NDUFAF6: variants seen among roughly 807,000 people sequenced by gnomAD.
NDUFAF6 encodes NADH dehydrogenase (ubiquinone) complex I, assembly factor 6.
Under a neutral mutation model 40.8 loss-of-function variants are expected in NDUFAF6, and 45 were observed. The observed-to-expected ratio is 1.10, with a 90% CI of 0.87 to 1.42. The LOEUF (loss-of-function observed/expected upper bound fraction) is 1.42, where lower values mean the gene tolerates loss of function less well. NDUFAF6 is among the 40% of genes most tolerant of loss of function. The probability of loss-of-function intolerance (pLI) is 0.00; values close to 1 mark genes in which losing one functional copy is unlikely to be tolerated. For missense variants in NDUFAF6, 435 were observed against 418.5 expected (o/e 1.04, Z -0.34); for synonymous variants, 185 against 155.9 (o/e 1.19, Z -1.39).
intron 5 of NDUFAF6, 79 bp from the exon 6 acceptor site, chr8:95,046,915 G>C (rs1463391475): frequency 6.3e-7 from 1 of 1,583,584 alleles, no homozygotes; most frequent in African/African-American, 1.3e-5. Context: ...TACATGTTTA[G>C]GTTATTTCTC....
intron 1 of NDUFAF6, among the ~76,000 whole-genome samples, chr8:95,030,648 T>G (rs1424486092): frequency 6.6e-6 from 1 of 152,242 alleles, no homozygotes; most frequent in East Asian, 1.9e-4. Flanking sequence ...ATTTCTTTAC[T>G]TTTTGCTCAA....
At chr8:95,050,291 G>C (rs1042228027) in intron 7 of NDUFAF6, among the ~76,000 whole-genome samples, 1 of 152,226 alleles carries the variant, frequency 6.6e-6, no homozygotes, top group African/African-American at 2.4e-5. Context: ...TAAACAGCCA[G>C]ATTTGAACAC....
intron 2 of NDUFAF6, among the ~76,000 whole-genome samples, chr8:94,982,931 G>A (rs1825562588): frequency 6.6e-6 from 1 of 152,196 alleles, no homozygotes; most frequent in Non-Finnish European, 1.5e-5. Context: ...TTCGTTATGT[G>A]GTCCTCACAA....
At chr8:95,108,494 T>G (rs376630443) in intron 4 of NDUFAF6, among the ~76,000 whole-genome samples, 1 of 152,156 alleles carries the variant, frequency 6.6e-6, no homozygotes. Context: ...ATATGAGGTA[T>G]GAAGAATAGT....
intron 2 of NDUFAF6, among the ~76,000 whole-genome samples, chr8:95,011,318 C>T (rs773135637): frequency 9.9e-5 from 15 of 152,240 alleles, no homozygotes; most frequent in Non-Finnish European, 1.5e-4. Context: ...GTCTAGGTTC[C>T]TCTCACTTTG....
chr8:95,058,237 G>A lies in NDUFAF6; in HGVS notation c.*300G>A, dbSNP rs1832432725. ...TGTGCATAGGCCATAAGCCACACTT[G>A]AGCCAGTGGGCAGGGAGAAGGAATG... On this transcript the variant is annotated 3_prime_UTR_variant, in exon 9 of 9. Coordinates refer to ENST00000396124, the MANE Select transcript of NDUFAF6 (RefSeq NM_152416.4). 4 of 1,328,246 alleles carry A rather than the reference G, an allele frequency of 3.0e-6. No individual in the cohort carries two copies. The East Asian group carries it at 1.1e-4, about 37-fold the overall frequency. The allele number at this position is 1,328,246 out of a possible 1,614,324, so 82.3% of individuals were successfully genotyped here.
At chr8:94,965,804 A>G (rs74632106) in intron 1 of NDUFAF6, among the ~76,000 whole-genome samples, 19,916 of 152,214 alleles carry the variant, frequency 0.13, 1,639 homozygotes, top group Middle Eastern at 0.23. Context: ...ACAGGGATGG[A>G]GACAGGTGAT....
chr8:94,902,327 A>G (rs527619209), intron 1 of NDUFAF6, among the ~76,000 whole-genome samples: 3 of 152,044 alleles, frequency 2.0e-5, no homozygotes, highest in South Asian at 4.2e-4. Flanking sequence ...GCTAAGGCAC[A>G]AGAATTGCTT....
At chr8:94,907,701 C>T (rs1176132159) in intron 1 of NDUFAF6, among the ~76,000 whole-genome samples, 2 of 152,184 alleles carry the variant, frequency 1.3e-5, no homozygotes, top group Non-Finnish European at 2.9e-5. Context: ...AGAGAAGAGG[C>T]CAGAAGCTCT....
At chr8:94,978,939 G>A (rs1425327346) in intron 1 of NDUFAF6, among the ~76,000 whole-genome samples, 1 of 152,180 alleles carries the variant, frequency 6.6e-6, no homozygotes, top group Non-Finnish European at 1.5e-5. Context: ...GGTAGTTAGT[G>A]TCATAATTAA....
intron 2 of NDUFAF6, among the ~76,000 whole-genome samples, chr8:94,952,441 A>G (rs138819085): frequency 1.3e-5 from 2 of 152,318 alleles, no homozygotes; most frequent in African/African-American, 4.8e-5. Context: ...AACAGTTAGG[A>G]TCTGCTGGGC....
chr8:94,930,306 T>C, intron 1 of NDUFAF6: 2 of 833,204 alleles, frequency 2.4e-6, no homozygotes, highest in Non-Finnish European at 3.7e-6. Flanking sequence ...CAAGGCATTA[T>C]GTGATACACA....
intron 1 of NDUFAF6, among the ~76,000 whole-genome samples, chr8:94,943,631 G>A (rs1821748364): frequency 6.6e-6 from 1 of 152,222 alleles, no homozygotes; most frequent in Admixed American, 6.5e-5. Flanking sequence ...ATCTTTAGCT[G>A]TAAAAGTAGT....
chr8:94,929,291 A>G (rs1173365606), intron 1 of NDUFAF6: 1 of 152,180 alleles, frequency 6.6e-6, no homozygotes, highest in Non-Finnish European at 1.5e-5. Context: ...TGAGGGAGGT[A>G]AATGTCACTG....
At chr8:94,968,939 A>G (rs530873311) in intron 1 of NDUFAF6, among the ~76,000 whole-genome samples, 48 of 152,296 alleles carry the variant, frequency 3.2e-4, no homozygotes, top group African/African-American at 9.9e-4. Flanking sequence ...GCCTTTCAGC[A>G]TAAGAATCTC....
upstream of NDUFAF6, among the ~76,000 whole-genome samples, chr8:95,098,619 G>T (rs534828632): frequency 6.6e-6 from 1 of 152,182 alleles, no homozygotes; most frequent in Admixed American, 6.5e-5. Context: ...GCAGTGAGCC[G>T]AGATCGCACC....
downstream of NDUFAF6, among the ~76,000 whole-genome samples, chr8:95,080,436 G>A (rs1039875195): frequency 6.3e-5 from 8 of 127,730 alleles, no homozygotes; most frequent in Non-Finnish European, 1.4e-4. Flanking sequence ...TTTTTGTAGT[G>A]TATTTTTGTA....
chr8:95,066,249 C>T (rs1018320180), intron 9 of NDUFAF6, among the ~76,000 whole-genome samples: 6 of 145,692 alleles, frequency 4.1e-5, no homozygotes, highest in Admixed American at 4.1e-4. Context: ...GTAGCTGGGT[C>T]TATAGGCATG....
chr8:94,913,780 C>T (rs2131235517), intron 1 of NDUFAF6, among the ~76,000 whole-genome samples: 1 of 152,324 alleles, frequency 6.6e-6, no homozygotes, highest in South Asian at 2.1e-4. Flanking sequence ...GTCTTGGTGA[C>T]AGAGCGAGAC....
Sources: allele counts gnomAD v4.1 joint callset (sites outside exome capture counted in the v4.1 genomes callset), GRCh38; gene constraint gnomAD v4.1.1; transcripts MANE v1.5; gene names NCBI Gene and HGNC (gene_info 2026-07-23, HGNC 2026-07-21).